Variants in SPCS2 observed in about 807,000 individuals in gnomAD.
The protein encoded by SPCS2 is signal peptidase complex subunit 2, also known as SPase 25 kDa subunit.
SPCS2 carries 3 observed loss-of-function variants against 22.3 expected under a neutral mutation model. The ratio of observed to expected loss-of-function variants is 0.13; its 90% confidence interval spans 0.06 to 0.35. SPCS2 has a LOEUF of 0.35. Among genes scored for constraint, SPCS2 ranks in the 10% least tolerant of loss-of-function variants. The pLI is 1.00. For synonymous variants in SPCS2, 67 were observed against 97.2 expected, an observed-to-expected ratio of 0.69 and a Z score of 1.83; for missense variants, 169 against 280.9, an observed-to-expected ratio of 0.60 and a Z score of 2.85.
Position 74,976,843 on chromosome 11 carries a change from G to GT in SPCS2, c.495-14_495-13insT. 4 of 1,613,504 alleles carry GT rather than the reference G, an allele frequency of 2.5e-6. No homozygotes were observed. The highest frequency in any genetic ancestry group is 2.5e-6 in the Non-Finnish European group (3 of 1,179,564). On this transcript the variant is annotated splice_polypyrimidine_tract_variant and intron_variant, in intron 4 of 4. Transcript: ENST00000263672. ...GTTTGGTTTTTAATTTGTTATCTTT[G>GT]CCCCCATGCTTAGGTTTGATGACAA...
chr11:74,949,622 T>C, intron 1 of SPCS2: 1 of 601,530 alleles, frequency 1.7e-6, no homozygotes, highest in Non-Finnish European at 3.1e-6. Context: ...TCGCAAGTGT[T>C]CTGGTCCTGG....
intron 1 of SPCS2, among the ~76,000 whole-genome samples, chr11:74,952,004 T>G (rs1276460289): frequency 6.6e-6 from 1 of 152,058 alleles, no homozygotes; most frequent in Non-Finnish European, 1.5e-5. Context: ...CTAAAGGAAC[T>G]GTAGTGACAA....
chr11:74,953,678 T>C (rs1466301639), intron 1 of SPCS2, among the ~76,000 whole-genome samples: 1 of 152,344 alleles, frequency 6.6e-6, no homozygotes, highest in African/African-American at 2.4e-5. Context: ...ACAGCAATTC[T>C]TGTTTCCTGA....
intron 1 of SPCS2, among the ~76,000 whole-genome samples, chr11:74,963,086 GCT>G (rs1948523293): frequency 6.6e-6 from 1 of 152,216 alleles, no homozygotes; most frequent in Non-Finnish European, 1.5e-5. Flanking sequence ...TAATTCAAAT[GCT>G]ATGGTGGATT....
chr11:74,955,020 A>G (rs1387051975), intron 1 of SPCS2, among the ~76,000 whole-genome samples: 2 of 152,176 alleles, frequency 1.3e-5, no homozygotes, highest in Non-Finnish European at 2.9e-5. Context: ...CACAATGAGA[A>G]ACCACTTCAC....
intron 4 of SPCS2, among the ~76,000 whole-genome samples, chr11:74,973,632 A>C (rs189958143): frequency 1.3e-5 from 2 of 152,078 alleles, no homozygotes; most frequent in African/African-American, 2.4e-5. Context: ...AACCCACTTC[A>C]CTTCCTCCTT....
intron 1 of SPCS2, among the ~76,000 whole-genome samples, chr11:74,955,298 T>C (rs948462507): frequency 1.3e-5 from 2 of 152,180 alleles, no homozygotes; most frequent in Admixed American, 6.5e-5. Context: ...AACACAGTTA[T>C]CATAATGGCC....
intron 1 of SPCS2, among the ~76,000 whole-genome samples, chr11:74,953,761 A>G (rs888348314): frequency 2.6e-5 from 4 of 152,216 alleles, no homozygotes; most frequent in Non-Finnish European, 4.4e-5. Flanking sequence ...TCATTGCAGT[A>G]TGTTATTTTG....
intron 1 of SPCS2, among the ~76,000 whole-genome samples, chr11:74,955,909 T>C (rs1449085504): frequency 1.5e-5 from 2 of 137,928 alleles, no homozygotes; most frequent in Non-Finnish European, 3.1e-5. Flanking sequence ...GGTACCTTTT[T>C]CAGCTGTTGC....
intron 2 of SPCS2, among the ~76,000 whole-genome samples, chr11:74,965,334 T>A (rs915648601): frequency 1.3e-5 from 2 of 152,116 alleles, no homozygotes; most frequent in African/African-American, 4.8e-5. Flanking sequence ...AACCTGCACG[T>A]TGTGCACATG....
intron 1 of SPCS2, among the ~76,000 whole-genome samples, chr11:74,954,152 T>C (rs1241005995): frequency 1.3e-5 from 2 of 152,230 alleles, no homozygotes; most frequent in Non-Finnish European, 2.9e-5. Context: ...GGTTCTGACA[T>C]TTTAAGGTTT....
chr11:74,954,897 T>G (rs1384639621), intron 1 of SPCS2, among the ~76,000 whole-genome samples: 3 of 152,132 alleles, frequency 2.0e-5, no homozygotes, highest in South Asian at 2.1e-4. Context: ...ACCTAGTTTT[T>G]AAAAGGGCAA....
chr11:74,966,021 G>T, intron 3 of SPCS2, 98 bp downstream of exon 3: 2 of 1,114,726 alleles, frequency 1.8e-6, no homozygotes, highest in East Asian at 2.4e-5. Flanking sequence ...TTCATATTAG[G>T]GCTTGCTAAT....
intron 4 of SPCS2, among the ~76,000 whole-genome samples, chr11:74,974,254 T>C (rs1948603418): frequency 6.6e-6 from 1 of 152,246 alleles, no homozygotes; most frequent in Non-Finnish European, 1.5e-5. Context: ...TTCTGGAACC[T>C]CTTCTCTATG....
At chr11:74,972,888 A>G (rs1053023685) in intron 4 of SPCS2, among the ~76,000 whole-genome samples, 1 of 80,142 alleles carries the variant, frequency 1.2e-5, no homozygotes, top group African/African-American at 5.0e-5. Flanking sequence ...TTATATATAT[A>G]TATATATTTT....
chr11:74,969,793 A>G (rs1948570080), intron 4 of SPCS2, 94 bp downstream of exon 4: 4 of 1,398,326 alleles, frequency 2.9e-6, no homozygotes, highest in Non-Finnish European at 4.0e-6. Context: ...TGCCTACTCT[A>G]TGTGGATCAT....
intron 1 of SPCS2, among the ~76,000 whole-genome samples, chr11:74,953,217 ATT>A (rs11344190): frequency 3.5e-5 from 5 of 143,290 alleles, no homozygotes; most frequent in Admixed American, 7.0e-5. Context: ...CTTTAATATA[ATT>A]TTTTTTTTTT....
In SPCS2 at chr11:74,962,548, C is replaced by CA. The variant is rs10708446; in HGVS notation, c.115-2472dup. On this transcript the variant is annotated intron_variant, in intron 1 of 4. Transcript: ENST00000263672. ...AGTGTTGAGGAAGACAAAATTGAGG[C>CA]AAAAAAAAAAAAAAGATAGCTTTTA... Among the ~76,000 whole-genome samples the CA allele has an allele frequency of 4.6e-3, 592 of 127,688 alleles. 5 individuals carry two copies. Among genetic ancestry groups the CA allele is most frequent in the East Asian group, 0.03 (123 of 4,142 alleles). The allele number at this position is 127,688 out of a possible 152,430, so 83.8% of individuals were successfully genotyped here.
chr11:74,949,585 C>A (rs1948315392), intron 1 of SPCS2, 186 bp downstream of exon 1: 2 of 669,466 alleles, frequency 3.0e-6, no homozygotes, highest in Non-Finnish European at 5.5e-6. Context: ...AACCTGGACC[C>A]GGTCCTCTTT....
Sources: gnomAD v4.1 joint callset for allele counts (sites outside exome capture counted in the v4.1 genomes callset) on GRCh38, gnomAD v4.1.1 for gene constraint, MANE v1.5 for transcripts, NCBI Gene and HGNC (gene_info 2026-07-23, HGNC 2026-07-21) for gene names.